The following SND1 variants were observed in gnomAD, a reference collection of about 807,000 sequenced individuals.
SND1 encodes the protein staphylococcal nuclease domain-containing protein 1.
Under a neutral mutation model 121.7 loss-of-function variants are expected in SND1, and 38 were observed. The ratio of observed to expected loss-of-function variants is 0.31; its 90% confidence interval spans 0.24 to 0.41. SND1 has a LOEUF of 0.41. Ranked by LOEUF, SND1 falls within the 10% of genes least tolerant of loss-of-function variation. SND1 has a pLI of 1.00. For missense variants in SND1, 868 were observed against 1,184.6 expected, an observed-to-expected ratio of 0.73 and a Z score of 3.92; for synonymous variants, 401 against 447.4, an observed-to-expected ratio of 0.90 and a Z score of 1.31.
At chr7:128,079,898 G>A (rs1311477224) in intron 17 of SND1, among the ~76,000 whole-genome samples, 1 of 152,148 alleles carries the variant, frequency 6.6e-6, no homozygotes, top group Admixed American at 6.5e-5. Flanking sequence ...GGTTGGTGGT[G>A]TTTTCTCAGG....
chr7:127,869,712 A>G (rs1165076009), intron 12 of SND1, among the ~76,000 whole-genome samples: 1 of 152,174 alleles, frequency 6.6e-6, no homozygotes, highest in Non-Finnish European at 1.5e-5. Flanking sequence ...GTCTTTGTAT[A>G]GTTCTATGCC....
chr7:127,889,917 G>T (rs976384995), intron 13 of SND1, among the ~76,000 whole-genome samples: 1 of 151,814 alleles, frequency 6.6e-6, no homozygotes, highest in Non-Finnish European at 1.5e-5. Context: ...TTCTTTATCC[G>T]TTCATCTGTT....
chr7:127,957,682 T>C (rs1038899040), intron 15 of SND1, among the ~76,000 whole-genome samples: 1 of 151,228 alleles, frequency 6.6e-6, no homozygotes, highest in Non-Finnish European at 1.5e-5. Flanking sequence ...GCTGCAGTTA[T>C]TTTATTTATT....
At chr7:127,740,517 C>T (rs536935932) in intron 10 of SND1, among the ~76,000 whole-genome samples, 2 of 152,316 alleles carry the variant, frequency 1.3e-5, no homozygotes, top group East Asian at 3.9e-4. Context: ...TTGGGTCTGA[C>T]TCTGTAGCAA....
chr7:127,889,579 A>G (rs1799972488), intron 13 of SND1, among the ~76,000 whole-genome samples: 1 of 151,830 alleles, frequency 6.6e-6, no homozygotes, highest in Non-Finnish European at 1.5e-5. Flanking sequence ...GACTATAGTG[A>G]CCCTGCTGTG....
At position 128,033,010 on chromosome 7, in the gene SND1, G is replaced by A. The variant is rs540084754; in HGVS notation, c.1780-41492G>A. On this transcript the variant is annotated intron_variant, in intron 16 of 23. Coordinates refer to ENST00000354725, the MANE Select transcript of SND1 (RefSeq NM_014390.4). ...CGTTCATTCATGGAGCTGCAGCCGC[G>A]GCTTCTCAGTCTTCGCTGGCCGGAG... is the stretch of plus-strand genomic sequence containing the variant. Among the ~76,000 whole-genome samples the A allele has an allele frequency of 9.8e-5, 15 of 152,296 alleles. No homozygotes were observed. The East Asian group carries it at 1.7e-3, about 18-fold the overall frequency.
At chr7:127,921,618 A>G (rs1800707205) in intron 14 of SND1, among the ~76,000 whole-genome samples, 1 of 152,158 alleles carries the variant, frequency 6.6e-6, no homozygotes, top group South Asian at 2.1e-4. Flanking sequence ...CATTTTTAGC[A>G]TATAATTCTG....
chr7:127,827,985 A>G (rs1584602474), intron 11 of SND1, among the ~76,000 whole-genome samples: 1 of 150,898 alleles, frequency 6.6e-6, no homozygotes, highest in Admixed American at 6.6e-5. Context: ...TTTTCTTACT[A>G]TTTTTCTAAT....
chr7:127,834,561 A>G (rs911685034), intron 11 of SND1, among the ~76,000 whole-genome samples: 5 of 152,216 alleles, frequency 3.3e-5, no homozygotes, highest in Admixed American at 6.5e-5. Context: ...GCCTTTGATC[A>G]TGGAACCTTG....
At chr7:127,880,714 G>C (rs1379204725) in intron 12 of SND1, among the ~76,000 whole-genome samples, 1 of 133,012 alleles carries the variant, frequency 7.5e-6, no homozygotes, top group Non-Finnish European at 1.7e-5. Context: ...GGAGAATGCA[G>C]GGGTGTGTGT....
intron 16 of SND1, among the ~76,000 whole-genome samples, chr7:128,074,025 T>G (rs188805194): frequency 1.4e-4 from 22 of 152,314 alleles, no homozygotes; most frequent in African/African-American, 5.1e-4. Context: ...TCTCCTGCTT[T>G]TCATGCAACC....
intron 16 of SND1, among the ~76,000 whole-genome samples, chr7:128,050,414 A>C (rs1793026054): frequency 1.3e-5 from 2 of 152,210 alleles, no homozygotes; most frequent in Admixed American, 1.3e-4. Context: ...CACAGCATTG[A>C]GTCTGATACT....
chr7:127,741,718 C>T (rs1796885332), intron 10 of SND1, among the ~76,000 whole-genome samples: 1 of 152,136 alleles, frequency 6.6e-6, no homozygotes, highest in Admixed American at 6.5e-5. Flanking sequence ...AAAAGGCCCA[C>T]TTGTTAGAAT....
At chr7:127,689,764 T>C (rs775668438) in intron 2 of SND1, among the ~76,000 whole-genome samples, 9 of 152,182 alleles carry the variant, frequency 5.9e-5, no homozygotes, top group Non-Finnish European at 1.2e-4. Flanking sequence ...ATTTCATCTT[T>C]TCCTAGCCCA....
intron 12 of SND1, among the ~76,000 whole-genome samples, chr7:127,857,510 A>G (rs1318134129): frequency 2.0e-5 from 3 of 151,234 alleles, no homozygotes; most frequent in Non-Finnish European, 4.4e-5. Flanking sequence ...TTAGTTTTGT[A>G]AGTGAGGTTT....
chr7:127,753,736 A>C (rs574382717), intron 10 of SND1, among the ~76,000 whole-genome samples: 18 of 152,276 alleles, frequency 1.2e-4, no homozygotes, highest in Non-Finnish European at 2.1e-4. Context: ...TCATTAGAGC[A>C]CTGTCTATTA....
At chr7:127,841,511 C>T (rs747253446) in intron 11 of SND1, among the ~76,000 whole-genome samples, 2 of 152,120 alleles carry the variant, frequency 1.3e-5, no homozygotes, top group Admixed American at 6.6e-5. Context: ...TCTGTACACT[C>T]GTGATTTTTT....
intron 15 of SND1, among the ~76,000 whole-genome samples, chr7:127,962,206 G>C (rs1446193217): frequency 6.6e-6 from 1 of 152,104 alleles, no homozygotes; most frequent in Non-Finnish European, 1.5e-5. Context: ...AAGGAAGATG[G>C]GGAAAGGGAA....
At chr7:127,695,657 AC>A (rs1159142063) in intron 3 of SND1, among the ~76,000 whole-genome samples, 1 of 151,850 alleles carries the variant, frequency 6.6e-6, no homozygotes, top group Non-Finnish European at 1.5e-5. Context: ...ACATGGTAAA[AC>A]CCCGTTTCTA....
Sources: allele counts gnomAD v4.1 joint callset (sites outside exome capture counted in the v4.1 genomes callset), GRCh38; gene constraint gnomAD v4.1.1; transcripts MANE v1.5; gene names NCBI Gene and HGNC (gene_info 2026-07-23, HGNC 2026-07-21).